LDLRAD3: variants seen among roughly 807,000 people sequenced by gnomAD.
The protein encoded by LDLRAD3 is low density lipoprotein receptor class A domain containing 3.
LDLRAD3 carries 20 observed loss-of-function variants against 29.4 expected under a neutral mutation model. That is an observed-to-expected ratio of 0.68 (90% CI 0.48 to 0.99). LDLRAD3 has a LOEUF of 0.99. LDLRAD3 is among the 50% of genes least tolerant of loss of function. The pLI is 0.00. For missense variants in LDLRAD3, 420 were observed against 454.3 expected, an observed-to-expected ratio of 0.92 and a Z score of 0.69; for synonymous variants, 157 against 192.7, an observed-to-expected ratio of 0.81 and a Z score of 1.53.
chr11:36,167,695 C>A (rs1459301319), intron 4 of LDLRAD3, among the ~76,000 whole-genome samples: 1 of 152,176 alleles, frequency 6.6e-6, no homozygotes, highest in Admixed American at 6.5e-5. Context: ...AGGGAGCACG[C>A]CCTGCTGACA....
intron 3 of LDLRAD3, among the ~76,000 whole-genome samples, chr11:36,097,139 C>T (rs1427616575): frequency 1.3e-5 from 2 of 152,192 alleles, no homozygotes; most frequent in Non-Finnish European, 2.9e-5. Context: ...TTTGAGGTCT[C>T]AGAAAGTGCC....
chr11:36,091,209 T>C (rs1174533023), intron 3 of LDLRAD3, among the ~76,000 whole-genome samples: 1 of 152,104 alleles, frequency 6.6e-6, no homozygotes, highest in Non-Finnish European at 1.5e-5. Context: ...GAGAAGCCGA[T>C]GGGAATTGTG....
chr11:36,176,459 T>G (rs1014962672), intron 4 of LDLRAD3, among the ~76,000 whole-genome samples: 1 of 152,142 alleles, frequency 6.6e-6, no homozygotes, highest in African/African-American at 2.4e-5. Flanking sequence ...TCAAGGTTTT[T>G]TTTTTTCAAA....
chr11:35,978,295 C>A (rs891413232), intron 1 of LDLRAD3, among the ~76,000 whole-genome samples: 6 of 152,202 alleles, frequency 3.9e-5, no homozygotes. Context: ...TGAATGGAAT[C>A]CCTGCCTGTC....
At chr11:36,053,868 T>TATAAGGAGTCACC (rs1437123107) in intron 2 of LDLRAD3, among the ~76,000 whole-genome samples, 1 of 152,138 alleles carries the variant, frequency 6.6e-6, no homozygotes, top group African/African-American at 2.4e-5. Flanking sequence ...ATGTGACTCT[T>TATAAGGAGTCACC]ATAAGGAGTC....
At chr11:36,045,999 T>G (rs1176100325) in intron 2 of LDLRAD3, among the ~76,000 whole-genome samples, 1 of 151,950 alleles carries the variant, frequency 6.6e-6, no homozygotes, top group Non-Finnish European at 1.5e-5. Flanking sequence ...GTGTGTGATG[T>G]TCCCCTCCCT....
intron 4 of LDLRAD3, among the ~76,000 whole-genome samples, chr11:36,142,339 T>A (rs1289129176): frequency 6.6e-6 from 1 of 152,238 alleles, no homozygotes; most frequent in Non-Finnish European, 1.5e-5. Flanking sequence ...TCCATGTGCC[T>A]GTTTGTTCCT....
At chr11:36,082,376 G>T (rs1853128389) in intron 3 of LDLRAD3, among the ~76,000 whole-genome samples, 1 of 152,120 alleles carries the variant, frequency 6.6e-6, no homozygotes, top group Non-Finnish European at 1.5e-5. Flanking sequence ...AGGCATGGTG[G>T]CACATGCCTC....
In LDLRAD3 at chr11:35,944,320, C is replaced by A. The variant is rs566708191; in HGVS notation, c.46+176C>A. Among the ~76,000 whole-genome samples, 1 of 151,574 alleles carries A rather than the reference C, an allele frequency of 6.6e-6. No homozygotes were observed. The highest frequency in any genetic ancestry group is 1.5e-5 in the Non-Finnish European group (1 of 67,840). On this transcript the variant is annotated intron_variant, in intron 1 of 5. Transcript: ENST00000315571. This position sits in a 1 kb window ranked among gnomAD's most constrained non-coding sequence, Gnocchi z 4.9. ...CCCGGACCCTGCCGAGGGGCCGCCG[C>A]GGGGTGCGAGCCGTCCTATTGTGTG... is the stretch of plus-strand genomic sequence containing the variant.
intron 2 of LDLRAD3, among the ~76,000 whole-genome samples, chr11:36,040,664 G>T (rs569499549): frequency 6.6e-6 from 1 of 152,242 alleles, no homozygotes; most frequent in African/African-American, 2.4e-5. Flanking sequence ...CTTTCCCTCT[G>T]TTTTGAGAAA....
intron 3 of LDLRAD3, among the ~76,000 whole-genome samples, chr11:36,097,536 T>C (rs1011585421): frequency 1.2e-4 from 18 of 152,086 alleles, no homozygotes; most frequent in Admixed American, 1.2e-3. Flanking sequence ...GGTTGACCAT[T>C]TCGGGTGAGG....
chr11:35,952,000 A>G (rs1237830492), intron 1 of LDLRAD3, among the ~76,000 whole-genome samples: 1 of 152,210 alleles, frequency 6.6e-6, no homozygotes, highest in African/African-American at 2.4e-5. Flanking sequence ...CGGCTCTTAT[A>G]TACCTACCCA....
intron 1 of LDLRAD3, among the ~76,000 whole-genome samples, chr11:35,963,211 GT>G (rs1048799651): frequency 3.9e-5 from 6 of 152,092 alleles, no homozygotes; most frequent in Non-Finnish European, 8.8e-5. Flanking sequence ...CCCATAGATA[GT>G]TTTTTTGGGT....
chr11:36,134,356 C>T (rs1299647902), intron 4 of LDLRAD3, among the ~76,000 whole-genome samples: 2 of 152,162 alleles, frequency 1.3e-5, no homozygotes, highest in African/African-American at 2.4e-5. Flanking sequence ...TATTAATAAG[C>T]ACTTTTATCA....
chr11:36,167,776 T>C (rs1380661851), intron 4 of LDLRAD3, among the ~76,000 whole-genome samples: 2 of 152,194 alleles, frequency 1.3e-5, no homozygotes, highest in Admixed American at 1.3e-4. Flanking sequence ...CATGGCACTT[T>C]GTTACAGCAG....
chr11:36,004,956 G>A (rs570771767), intron 1 of LDLRAD3, among the ~76,000 whole-genome samples: 1 of 152,322 alleles, frequency 6.6e-6, no homozygotes, highest in Admixed American at 6.5e-5. Flanking sequence ...AGGCTGCAGA[G>A]AGCAACTGGG....
At chr11:36,128,160 C>G (rs79309940) in intron 4 of LDLRAD3, among the ~76,000 whole-genome samples, 1 of 77,304 alleles carries the variant, frequency 1.3e-5, no homozygotes, top group Non-Finnish European at 3.5e-5. Context: ...GGCAATTAAA[C>G]TTAGAATGGG....
At chr11:36,105,263 A>G (rs892408942) in intron 4 of LDLRAD3, among the ~76,000 whole-genome samples, 386 of 130,594 alleles carry the variant, frequency 3.0e-3, no homozygotes, top group Non-Finnish European at 4.7e-3. Context: ...GAGAGAGAGA[A>G]AGACAAGGCG....
At chr11:36,104,317 C>G (rs1406753411) in intron 4 of LDLRAD3, among the ~76,000 whole-genome samples, 1 of 152,208 alleles carries the variant, frequency 6.6e-6, no homozygotes, top group Non-Finnish European at 1.5e-5. Flanking sequence ...GACACGCCGA[C>G]TGTAGCCTTG....
Sources: gnomAD v4.1 joint callset for allele counts (sites outside exome capture counted in the v4.1 genomes callset) on GRCh38, gnomAD v4.1.1 for gene constraint, Gnocchi (gnomAD v3.1) non-coding constraint, MANE v1.5 for transcripts, NCBI Gene and HGNC (gene_info 2026-07-23, HGNC 2026-07-21) for gene names.